FAM151B: variants seen among roughly 807,000 people sequenced by gnomAD.
The protein encoded by FAM151B is family with sequence similarity 151 member B, also known as protein FAM151B.
Under a neutral mutation model 31.2 loss-of-function variants are expected in FAM151B, and 24 were observed. That is an observed-to-expected ratio of 0.77 (90% CI 0.56 to 1.08). FAM151B has a LOEUF of 1.08. FAM151B is among the 50% of genes least tolerant of loss of function. FAM151B has a pLI of 0.00. For missense variants in FAM151B, 293 were observed against 328.6 expected (o/e 0.89, Z 0.84); for synonymous variants, 105 against 111.4 (o/e 0.94, Z 0.36).
At chr5:80,488,804 G>T (rs1743208681) in intron 1 of FAM151B, among the ~76,000 whole-genome samples, 1 of 152,114 alleles carries the variant, frequency 6.6e-6, no homozygotes, top group South Asian at 2.1e-4. Flanking sequence ...TATAAATACA[G>T]GTTCTCTTCT....
rs373192127 is a variant in FAM151B at position 80,492,465 on chromosome 5, T to C, written c.25+4317T>C. ...TGCATGCTGGCCGGCTTGGCGAGGA[T>C]AAAAAATAAATAAATAAATATGGTG... On this transcript the variant is annotated intron_variant, in intron 1 of 5. Transcript: ENST00000282226. Among the ~76,000 whole-genome samples, 45 of 152,104 alleles carry C rather than the reference T, an allele frequency of 3.0e-4. No homozygotes were observed. The East Asian group carries it at 8.1e-3, about 27-fold the overall frequency.
chr5:80,535,559 C>A (rs1004684857), intron 5 of FAM151B, among the ~76,000 whole-genome samples: 3 of 152,154 alleles, frequency 2.0e-5, no homozygotes, highest in African/African-American at 7.2e-5. Context: ...TGAAATTAGA[C>A]CCGTCTCTTA....
At chr5:80,500,863 C>G in intron 1 of FAM151B, 1 of 991,136 alleles carries the variant, frequency 1.0e-6, no homozygotes, top group Admixed American at 1.7e-5. Flanking sequence ...TGTTCCATCT[C>G]TTGGTAAATA....
intron 1 of FAM151B, chr5:80,498,835 C>T (rs1743641419): frequency 4.8e-6 from 2 of 414,122 alleles, no homozygotes; most frequent in Non-Finnish European, 9.2e-6. Context: ...AGAGTACCTC[C>T]ATTTTCCAGT....
intron 2 of FAM151B, among the ~76,000 whole-genome samples, chr5:80,507,519 A>G (rs1394320799): frequency 6.6e-6 from 1 of 151,950 alleles, no homozygotes; most frequent in Non-Finnish European, 1.5e-5. Context: ...CGTCTCTACT[A>G]AAAATACAAA....
At position 80,538,372 on chromosome 5, in the gene FAM151B, TTTTCTTTCTTTCTTTCTTTC is replaced by T. The variant is rs1315996184; in HGVS notation, c.672-3243_672-3224del. ...ATGAGCCACCGCACCCAGCCTTTCT[TTTTCTTTCTTTCTTTCTTTC>T]TTTCTTTCTTTCTTTCTTTCTTTCT... On this transcript the variant is annotated intron_variant, in intron 5 of 5. Transcript: ENST00000282226. 1.2e-3 allele frequency among the ~76,000 whole-genome samples: 133 copies of T among 111,624 alleles called. 2 individuals carry two copies. The highest frequency in any genetic ancestry group is 3.0e-3 in the Admixed American group (33 of 10,882). The allele number at this position is 111,624 out of a possible 152,430, so 73.2% of individuals were successfully genotyped here. A position where few individuals can be genotyped will look rare whatever the true frequency, so the allele number is the denominator to read the frequency against.
At chr5:80,518,417 C>T (rs139114581) in intron 3 of FAM151B, among the ~76,000 whole-genome samples, 11 of 152,044 alleles carry the variant, frequency 7.2e-5, no homozygotes, top group Non-Finnish European at 1.0e-4. Flanking sequence ...TTGCTTGCTA[C>T]GAAAAATGGA....
chr5:80,496,638 A>G (rs1005258109), intron 1 of FAM151B, among the ~76,000 whole-genome samples: 1 of 152,102 alleles, frequency 6.6e-6, no homozygotes, highest in Admixed American at 6.5e-5. Context: ...ACAAAATGTC[A>G]GTATTGGCTC....
At chr5:80,530,543 A>G (rs553040336) in intron 5 of FAM151B, among the ~76,000 whole-genome samples, 4 of 152,286 alleles carry the variant, frequency 2.6e-5, no homozygotes, top group South Asian at 2.1e-4. Flanking sequence ...CAAAGTCTCA[A>G]GATACAAAAT....
At chr5:80,540,936 C>T (rs1005582149) in intron 5 of FAM151B, among the ~76,000 whole-genome samples, 1 of 151,956 alleles carries the variant, frequency 6.6e-6, no homozygotes, top group Non-Finnish European at 1.5e-5. Flanking sequence ...GGAAATTTTC[C>T]CTGGATTCTG....
rs752784840 is a variant in FAM151B, at chr5:80,501,772, T to G, written c.26-20T>G. On this transcript the variant is annotated intron_variant, in intron 1 of 5. Coordinates refer to ENST00000282226, the MANE Select transcript of FAM151B (RefSeq NM_205548.3). The stretch of plus-strand genomic sequence containing the variant: ...CTATAAAAAACAATATCACTTTTCA[T>G]GTAAACACTGTTATTTTAGGATCTT... 3.8e-6 allele frequency: 6 copies of G among 1,562,220 alleles called. No homozygotes were observed. Among genetic ancestry groups the G allele is most frequent in the Non-Finnish European group, 5.2e-6 (6 of 1,148,658 alleles).
intron 4 of FAM151B, 136 bp from the exon 5 acceptor site, chr5:80,521,867 G>A: frequency 1.1e-5 from 6 of 552,152 alleles, no homozygotes; most frequent in Non-Finnish European, 1.7e-5. Context: ...AATTGACTTA[G>A]AATCCAAATG....
At chr5:80,497,981 A>G (rs1314566871) in intron 1 of FAM151B, among the ~76,000 whole-genome samples, 1 of 152,242 alleles carries the variant, frequency 6.6e-6, no homozygotes, top group Non-Finnish European at 1.5e-5. Flanking sequence ...AATATCCAAT[A>G]TGAACCATTA....
At chr5:80,515,876 A>C (rs143139139) in intron 3 of FAM151B, among the ~76,000 whole-genome samples, 1 of 152,326 alleles carries the variant, frequency 6.6e-6, no homozygotes, top group East Asian at 1.9e-4. Context: ...TGTTAGTGGA[A>C]CTAGAGAGCT....
At chr5:80,505,630 G>A (rs1406328753) in intron 2 of FAM151B, among the ~76,000 whole-genome samples, 9 of 151,308 alleles carry the variant, frequency 5.9e-5, no homozygotes, top group African/African-American at 1.5e-4. Context: ...TCCTGACCTC[G>A]TGATCTGCCC....
At chr5:80,501,366 G>A in intron 1 of FAM151B, 1 of 1,273,070 alleles carries the variant, frequency 7.9e-7, no homozygotes, top group South Asian at 1.2e-5. Context: ...GCAACAGGGA[G>A]GACCAGATCA....
chr5:80,516,381 G>A (rs372536368), intron 3 of FAM151B, among the ~76,000 whole-genome samples: 7 of 152,164 alleles, frequency 4.6e-5, no homozygotes, highest in African/African-American at 1.2e-4. Context: ...GCTCTTCAGC[G>A]TTTTAGCTAA....
chr5:80,501,968 A>G (rs746461511), intron 2 of FAM151B, 51 bp downstream of exon 2: 1 of 1,425,656 alleles, frequency 7.0e-7, no homozygotes, highest in Non-Finnish European at 9.4e-7. Context: ...GATTAATTCA[A>G]CTCCTTTTTT....
chr5:80,495,846 A>G (rs891575258), intron 1 of FAM151B, among the ~76,000 whole-genome samples: 101 of 149,666 alleles, frequency 6.7e-4, no homozygotes, highest in African/African-American at 2.5e-3. Context: ...AAAAAAAAAA[A>G]AAAAAAAAAA....
Sources: gnomAD v4.1 joint callset for allele counts (sites outside exome capture counted in the v4.1 genomes callset) on GRCh38, gnomAD v4.1.1 for gene constraint, MANE v1.5 for transcripts, NCBI Gene and HGNC (gene_info 2026-07-23, HGNC 2026-07-21) for gene names.